The following ITIH2 variants were observed in gnomAD, a reference collection of about 807,000 sequenced individuals.
ITIH2 encodes the protein inter-alpha-trypsin inhibitor heavy chain 2.
In ITIH2, 103 loss-of-function variants were observed where a neutral mutation model predicts 104.4. The ratio of observed to expected loss-of-function variants is 0.99; its 90% CI spans 0.84 to 1.16. The LOEUF (loss-of-function observed/expected upper bound fraction) is 1.16. Among genes scored for constraint, ITIH2 ranks in the 50% most tolerant of loss-of-function variants. ITIH2 has a pLI of 0.00. For missense variants in ITIH2, 1,108 were observed against 1,162.4 expected (o/e 0.95, Z 0.68); for synonymous variants, 436 against 435.4 (o/e 1.00, Z -0.02).
chr10:7,740,078 C>A (rs527524662), intron 16 of ITIH2, among the ~76,000 whole-genome samples: 33 of 152,094 alleles, frequency 2.2e-4, no homozygotes, highest in African/African-American at 7.7e-4. Flanking sequence ...CCCAGCTACT[C>A]GGGAGGCTTA....
intron 1 of ITIH2, 137 bp from the exon 2 acceptor site, chr10:7,704,971 A>T: frequency 1.8e-6 from 1 of 558,496 alleles, no homozygotes; most frequent in Non-Finnish European, 3.1e-6. Context: ...ACCTGACGTA[A>T]ATGATGAGTT....
At chr10:7,707,589 G>A (rs1360128963) in intron 3 of ITIH2, among the ~76,000 whole-genome samples, 1 of 151,924 alleles carries the variant, frequency 6.6e-6, no homozygotes, top group Non-Finnish European at 1.5e-5. Context: ...TTTTGAGACA[G>A]AGTTTCACTT....
chr10:7,735,058 G>A lies in ITIH2; in HGVS notation c.1924G>A (p.Asp642Asn). The stretch of plus-strand genomic sequence containing the variant: ...GGCTGGGGATGAGCGCATGCTGGCG[G>A]ATGCCCCACCGCAGGATCCCTCCTG... ...NEAGDERMLADAPPQDPSCCS... is the reference protein window; with the variant it reads ...NEAGDERMLANAPPQDPSCCS... Residue 642 changes from aspartate (D) to asparagine (N), a missense_variant, in exon 15 of 21, where the codon GAT (aspartate) becomes AAT (asparagine). Physicochemically the swap from Asp to Asn is conservative, Grantham distance 23. Transcript: ENST00000358415. The A allele has an allele frequency of 6.2e-7, 1 of 1,611,850 alleles. No homozygotes were observed. Among genetic ancestry groups the A allele is most frequent in the Non-Finnish European group, 8.5e-7 (1 of 1,179,966 alleles).
In ITIH2 at chr10:7,737,546, T is replaced by C. The variant is rs1172899430; in HGVS notation, c.1958-1075T>C. ...TACTATGTATTCTATATAATATATA[T>C]TATGTATTCTATATAATATTATATA... On this transcript the variant is annotated intron_variant, in intron 15 of 20. Transcript: ENST00000358415. 2.2e-5 allele frequency among the ~76,000 whole-genome samples: 3 copies of C among 134,210 alleles called. No individual in the cohort carries two copies. The Admixed American group carries it at 2.4e-4, about 11-fold the overall frequency. The allele number at this position is 134,210 out of a possible 152,430, so 88.0% of individuals were successfully genotyped here. A position where few individuals can be genotyped will look rare whatever the true frequency, so the allele number is the denominator to read the frequency against.
intron 14 of ITIH2, among the ~76,000 whole-genome samples, chr10:7,734,433 G>T (rs918020855): frequency 6.6e-6 from 1 of 152,232 alleles, no homozygotes; most frequent in Non-Finnish European, 1.5e-5. Flanking sequence ...CATGGCTCAT[G>T]CCTGTAATCC....
At chr10:7,720,518 A>G (rs1354824042) in intron 6 of ITIH2, among the ~76,000 whole-genome samples, 2 of 152,334 alleles carry the variant, frequency 1.3e-5, no homozygotes, top group South Asian at 4.1e-4. Context: ...AGTGCTATTT[A>G]ACAATGAGGG....
Position 7,705,122 on chromosome 10 carries a change from A to C in ITIH2, c.99A>C (p.Glu33Asp), listed in dbSNP as rs559948831. 1 of 1,610,578 alleles carries C rather than the reference A, an allele frequency of 6.2e-7. No homozygotes were observed. The highest frequency in any genetic ancestry group is 8.5e-7 in the Non-Finnish European group (1 of 1,177,518). ...INGLSEFVDY[E>D]DLVELAPGKF... ...TTTTTTTTAAGTTTGTAGACTATGAAGATCTTGTGGAACTGGCCCCAGGCA... is the reference window on the plus strand; with the variant it reads ...TTTTTTTTAAGTTTGTAGACTATGACGATCTTGTGGAACTGGCCCCAGGCA... The change falls in exon 2 of 21, where the codon GAA becomes GAC. Residue 33 changes from glutamate (E) to aspartate (D), a missense_variant. Coordinates refer to ENST00000358415, the MANE Select transcript of ITIH2 (RefSeq NM_002216.3).
At chr10:7,747,235 TAC>T (rs1835187088) in intron 20 of ITIH2, among the ~76,000 whole-genome samples, 1 of 152,198 alleles carries the variant, frequency 6.6e-6, no homozygotes, top group Non-Finnish European at 1.5e-5. Context: ...CCCAGTCCTT[TAC>T]AGTTGTCTCA....
intron 8 of ITIH2, 40 bp downstream of exon 8, chr10:7,721,817 G>A: frequency 6.2e-7 from 1 of 1,606,890 alleles, no homozygotes; most frequent in East Asian, 2.2e-5. Flanking sequence ...CCAAGCTCGT[G>A]CCAAAGAGCT....
chr10:7,720,755 G>T (rs1834894473), intron 6 of ITIH2, 101 bp from the exon 7 acceptor site: 1 of 703,338 alleles, frequency 1.4e-6, no homozygotes, highest in African/African-American at 1.8e-5. Flanking sequence ...GAAACCTGCG[G>T]AGGAGAAAAG....
chr10:7,732,217 G>C (rs927888626), intron 13 of ITIH2, 121 bp from the exon 14 acceptor site: 2 of 1,197,106 alleles, frequency 1.7e-6, no homozygotes, highest in Admixed American at 2.0e-5. Context: ...TCCTTCCTCC[G>C]TAGGCTTTGC....
chr10:7,706,612 AATGAATCATT>A (rs1834749811), intron 2 of ITIH2, among the ~76,000 whole-genome samples: 1 of 152,222 alleles, frequency 6.6e-6, no homozygotes. Flanking sequence ...CCTCAAATAG[AATGAATCATT>A]ATGAAACAAG....
intron 4 of ITIH2, among the ~76,000 whole-genome samples, chr10:7,710,799 C>T (rs773098405): frequency 6.6e-6 from 1 of 152,112 alleles, no homozygotes; most frequent in Non-Finnish European, 1.5e-5. Context: ...AAAGGCTTTT[C>T]TGTACTGGTA....
chr10:7,715,282 G>A (rs547435245), intron 5 of ITIH2, among the ~76,000 whole-genome samples: 2 of 152,280 alleles, frequency 1.3e-5, no homozygotes, highest in South Asian at 2.1e-4. Context: ...TTAGCTGGGC[G>A]TGGTGGCGTG....
At chr10:7,738,242 C>T in intron 15 of ITIH2, among the ~76,000 whole-genome samples, 1 of 110,732 alleles carries the variant, frequency 9.0e-6, no homozygotes. Context: ...ATATTATATT[C>T]TATATAATAT....
chr10:7,725,546 G>C (rs890476211), intron 9 of ITIH2, among the ~76,000 whole-genome samples: 3 of 152,224 alleles, frequency 2.0e-5, no homozygotes, highest in African/African-American at 7.2e-5. Flanking sequence ...TGAAGGGCTA[G>C]CTGTGAGGCA....
intron 16 of ITIH2, among the ~76,000 whole-genome samples, chr10:7,741,458 G>A (rs1348993623): frequency 1.3e-5 from 2 of 152,146 alleles, no homozygotes; most frequent in Admixed American, 6.5e-5. Flanking sequence ...GATTACAGGC[G>A]TGAGCCACCG....
At chr10:7,735,425 T>C (rs1441533832) in intron 15 of ITIH2, among the ~76,000 whole-genome samples, 1 of 151,986 alleles carries the variant, frequency 6.6e-6, no homozygotes, top group African/African-American at 2.4e-5. Flanking sequence ...ATTAGCTGGG[T>C]GTGATGGTGG....
chr10:7,724,245 C>G (rs1451175124), intron 9 of ITIH2, among the ~76,000 whole-genome samples: 4 of 152,112 alleles, frequency 2.6e-5, no homozygotes, highest in Admixed American at 6.6e-5. Context: ...CAAGAGTTCA[C>G]TACTACCCTA....
Sources: allele counts gnomAD v4.1 joint callset (sites outside exome capture counted in the v4.1 genomes callset), GRCh38; gene constraint gnomAD v4.1.1; transcripts MANE v1.5; gene names NCBI Gene and HGNC (gene_info 2026-07-23, HGNC 2026-07-21).